Variants in IMMP2L observed in about 807,000 individuals in gnomAD.
The protein encoded by IMMP2L is mitochondrial inner membrane protease subunit 2.
A neutral mutation model predicts 19.3 loss-of-function variants in IMMP2L; 18 were observed. The ratio of observed to expected loss-of-function variants is 0.93; its 90% CI spans 0.64 to 1.38. The LOEUF (loss-of-function observed/expected upper bound fraction) is 1.38, where lower values mean the gene tolerates loss of function less well. Among genes scored for constraint, IMMP2L ranks in the 40% most tolerant of loss-of-function variants. The pLI is 0.00. For synonymous variants in IMMP2L, 76 were observed against 73.0 expected (o/e 1.04, Z -0.21); for missense variants, 233 against 218.2 (o/e 1.07, Z -0.43).
chr7:111,490,704 T>C (rs1645439365), intron 2 of IMMP2L, among the ~76,000 whole-genome samples: 1 of 152,142 alleles, frequency 6.6e-6, no homozygotes, highest in Admixed American at 6.5e-5. Flanking sequence ...GTTACTTAAC[T>C]TCATTATGCC....
chr7:110,934,964 T>C (rs140212642), intron 4 of IMMP2L, among the ~76,000 whole-genome samples: 1,717 of 152,338 alleles, frequency 0.011, 32 homozygotes, highest in African/African-American at 0.039. Flanking sequence ...TGCCAGTCTG[T>C]GTCTTTTAAC....
At chr7:111,523,897 C>T (rs915495307) in intron 1 of IMMP2L, among the ~76,000 whole-genome samples, 1 of 151,978 alleles carries the variant, frequency 6.6e-6, no homozygotes, top group Non-Finnish European at 1.5e-5. Context: ...TAATGTGAGC[C>T]CTTGAGTGAA....
At chr7:111,217,126 T>TCTCACACACACACA (rs1472700586) in intron 3 of IMMP2L, among the ~76,000 whole-genome samples, 58 of 124,064 alleles carry the variant, frequency 4.7e-4, no homozygotes, top group African/African-American at 1.8e-3. Flanking sequence ...TCTCTCTCTC[T>TCTCACACACACACA]CACACACACA....
At chr7:111,243,760 T>C (rs1201534210) in intron 3 of IMMP2L, among the ~76,000 whole-genome samples, 2 of 69,590 alleles carry the variant, frequency 2.9e-5, no homozygotes, top group Non-Finnish European at 5.5e-5. Flanking sequence ...AGTGAGAATA[T>C]GCGGTGTTTG....
chr7:111,434,246 CAGA>C (rs144088068), intron 3 of IMMP2L, among the ~76,000 whole-genome samples: 2,490 of 151,820 alleles, frequency 0.016, 114 homozygotes, highest in African/African-American at 0.057. Flanking sequence ...TAGCCATATG[CAGA>C]AGAATGAAAG....
chr7:111,029,285 G>A (rs1585838774), intron 3 of IMMP2L, among the ~76,000 whole-genome samples: 1 of 152,238 alleles, frequency 6.6e-6, no homozygotes, highest in South Asian at 2.1e-4. Flanking sequence ...GGAAGGATCT[G>A]GTTTCAGCTC....
intron 3 of IMMP2L, among the ~76,000 whole-genome samples, chr7:111,260,740 AAGG>A (rs1817229166): frequency 6.6e-6 from 1 of 152,142 alleles, no homozygotes; most frequent in Admixed American, 6.6e-5. Flanking sequence ...ACTTTCTCTA[AAGG>A]AGTATACAAT....
At chr7:111,551,561 G>C (rs745381273) in intron 1 of IMMP2L, among the ~76,000 whole-genome samples, 3 of 151,420 alleles carry the variant, frequency 2.0e-5, no homozygotes, top group Non-Finnish European at 2.9e-5. Flanking sequence ...TCATCGGTGA[G>C]GAAGCCAGGC....
At chr7:111,464,401 T>C (rs888304365) in intron 3 of IMMP2L, among the ~76,000 whole-genome samples, 5 of 152,290 alleles carry the variant, frequency 3.3e-5, no homozygotes, top group African/African-American at 9.6e-5. Flanking sequence ...GAGGATTACT[T>C]GAGCCCAGGA....
At chr7:111,148,741 CA>C (rs1421335675) in intron 3 of IMMP2L, among the ~76,000 whole-genome samples, 5 of 151,536 alleles carry the variant, frequency 3.3e-5, no homozygotes, top group African/African-American at 1.2e-4. Flanking sequence ...CAGTGGATGA[CA>C]TACGTGTATG....
At chr7:111,482,399 A>G (rs1842266876) in intron 3 of IMMP2L, among the ~76,000 whole-genome samples, 1 of 152,182 alleles carries the variant, frequency 6.6e-6, no homozygotes. Context: ...CTTCTACTAT[A>G]GAACTGAACA....
chr7:111,194,779 A>G (rs1330845323), intron 3 of IMMP2L, among the ~76,000 whole-genome samples: 1 of 152,200 alleles, frequency 6.6e-6, no homozygotes, highest in African/African-American at 2.4e-5. Flanking sequence ...GGTAGGCATT[A>G]TATCTAACCT....
At chr7:111,133,411 G>C (rs1040391682) in intron 3 of IMMP2L, among the ~76,000 whole-genome samples, 1 of 151,996 alleles carries the variant, frequency 6.6e-6, no homozygotes, top group African/African-American at 2.4e-5. Flanking sequence ...TTAGAGGGCA[G>C]AGAAATGTTA....
Position 111,287,690 on chromosome 7 carries a change from G to A in IMMP2L, c.239+199548C>T, listed in dbSNP as rs149856080. On this transcript the variant is annotated intron_variant, in intron 3 of 5. Transcript: ENST00000405709. Reference sequence around the variant, plus strand: ...TAAAAACTGCCATACATTCTGATTCGGGCCCAGAGTTGGAGGGAATTGATG... The same window carrying A: ...TAAAAACTGCCATACATTCTGATTCAGGCCCAGAGTTGGAGGGAATTGATG... 1.5e-4 allele frequency among the ~76,000 whole-genome samples: 23 copies of A among 152,066 alleles called. No homozygotes were observed. The East Asian group carries it at 3.7e-3, about 24-fold the overall frequency.
intron 3 of IMMP2L, among the ~76,000 whole-genome samples, chr7:111,385,089 T>G (rs765159487): frequency 2.0e-5 from 3 of 152,138 alleles, no homozygotes; most frequent in Non-Finnish European, 4.4e-5. Context: ...CACCTCTTTC[T>G]TATAGGGAAG....
intron 3 of IMMP2L, among the ~76,000 whole-genome samples, chr7:111,474,565 CT>C (rs531133615): frequency 3.3e-5 from 5 of 151,674 alleles, no homozygotes; most frequent in African/African-American, 1.2e-4. Flanking sequence ...GCTTTTCTTC[CT>C]TTTTGTTAAA....
intron 5 of IMMP2L, among the ~76,000 whole-genome samples, chr7:110,872,341 CTGACTAATGCCTT>C (rs1808616975): frequency 6.6e-6 from 1 of 152,156 alleles, no homozygotes; most frequent in South Asian, 2.1e-4. Flanking sequence ...CAAGGTTGAA[CTGACTAATGCCTT>C]TGAATTCTTT....
chr7:110,865,766 C>G (rs1807918654), intron 5 of IMMP2L, among the ~76,000 whole-genome samples: 1 of 151,852 alleles, frequency 6.6e-6, no homozygotes, highest in South Asian at 2.1e-4. Flanking sequence ...GACAGCTTTT[C>G]ATTTTTAGTA....
chr7:111,527,252 T>A lies in IMMP2L; in HGVS notation c.-2-5803A>T, dbSNP rs115805864. On this transcript the variant is annotated intron_variant, in intron 1 of 5. Transcript: ENST00000405709. ...TGAGCAACACAGCAAGACTTCCATC[T>A]CTAAAAATTTAAAAATTAGCAAGGC... Among the ~76,000 whole-genome samples, 965 of 152,080 alleles carry A rather than the reference T, an allele frequency of 6.3e-3. 11 individuals are homozygous for A. The highest frequency in any genetic ancestry group is 0.02 in the African/African-American group (848 of 41,490).
Sources: allele counts gnomAD v4.1 joint callset (sites outside exome capture counted in the v4.1 genomes callset), GRCh38; gene constraint gnomAD v4.1.1; transcripts MANE v1.5; gene names NCBI Gene and HGNC (gene_info 2026-07-23, HGNC 2026-07-21).